FRMD4A: variants seen among roughly 807,000 people sequenced by gnomAD.
The protein encoded by FRMD4A is FERM domain-containing protein 4A.
A neutral mutation model predicts 129.1 loss-of-function variants in FRMD4A; 29 were observed. The ratio of observed to expected loss-of-function variants is 0.22; its 90% CI spans 0.17 to 0.31. FRMD4A has a LOEUF of 0.31. Ranked by LOEUF, FRMD4A falls within the 10% of genes least tolerant of loss-of-function variation. The pLI is 1.00. For missense variants in FRMD4A, 1,272 were observed against 1,375.8 expected, an observed-to-expected ratio of 0.92 and a Z score of 1.19; for synonymous variants, 634 against 571.6, an observed-to-expected ratio of 1.11 and a Z score of -1.56.
At chr10:13,826,702 G>A (rs1366224157) in intron 3 of FRMD4A, among the ~76,000 whole-genome samples, 2 of 152,080 alleles carry the variant, frequency 1.3e-5, no homozygotes, top group African/African-American at 4.8e-5. Flanking sequence ...TGATGATGTC[G>A]TTTTCGATAC....
rs980558123 is a variant in FRMD4A at position 14,099,867 on chromosome 10, T to C, written c.45+230191A>G. ...GCCTCAAACTCTTGGGCTCAAGTGATCTTCCAGTCTCAGCTTACCAAGTAG... is the reference window on the plus strand; with the variant it reads ...GCCTCAAACTCTTGGGCTCAAGTGACCTTCCAGTCTCAGCTTACCAAGTAG... On this transcript the variant is annotated intron_variant, in intron 2 of 24. Transcript: ENST00000357447. Among the ~76,000 whole-genome samples the C allele has an allele frequency of 2.0e-4, 31 of 152,348 alleles. 1 individual carries two copies. Among genetic ancestry groups the C allele is most frequent in the Admixed American group, 1.7e-3 (26 of 15,308 alleles).
chr10:14,196,607 A>G (rs1411815373), intron 2 of FRMD4A, among the ~76,000 whole-genome samples: 2 of 152,242 alleles, frequency 1.3e-5, no homozygotes, highest in Non-Finnish European at 2.9e-5. Context: ...ATTCCTAGAT[A>G]TGGATAAACA....
intron 2 of FRMD4A, among the ~76,000 whole-genome samples, chr10:13,965,069 T>TA (rs2095476904): frequency 6.6e-6 from 1 of 151,414 alleles, no homozygotes; most frequent in Admixed American, 6.6e-5. Flanking sequence ...CTGGGCATTT[T>TA]TTTTTTTTTT....
rs536137791 is a variant in FRMD4A, at chr10:14,041,313, G to A, written c.46-182401C>T. Among the ~76,000 whole-genome samples the A allele has an allele frequency of 1.8e-4, 28 of 152,244 alleles. No homozygotes were observed. In the East Asian group the frequency reaches 2.5e-3, roughly 14 times the overall value. On this transcript the variant is annotated intron_variant, in intron 2 of 24. Coordinates refer to ENST00000357447, the MANE Select transcript of FRMD4A (RefSeq NM_018027.5). Reference sequence around the variant, plus strand: ...TTCCTTATCTCTTTTTTCAAAAGGCGTTTCTCATGACATTCTTCAAAAAGC... The same window carrying A: ...TTCCTTATCTCTTTTTTCAAAAGGCATTTCTCATGACATTCTTCAAAAAGC...
chr10:13,924,428 C>T (rs1435484045), intron 2 of FRMD4A, among the ~76,000 whole-genome samples: 4 of 148,478 alleles, frequency 2.7e-5, no homozygotes, highest in Non-Finnish European at 4.4e-5. Context: ...TTTTCCCAGT[C>T]ATCAGAAAAG....
At chr10:14,009,650 C>G (rs953026201) in intron 2 of FRMD4A, among the ~76,000 whole-genome samples, 2 of 152,224 alleles carry the variant, frequency 1.3e-5, no homozygotes, top group Admixed American at 1.3e-4. Flanking sequence ...CAGCAGCGCA[C>G]GGGCTGGAAA....
chr10:13,981,476 T>C (rs2447017), intron 2 of FRMD4A, among the ~76,000 whole-genome samples: 76,369 of 151,746 alleles, frequency 0.5, 22,110 homozygotes, highest in East Asian at 0.9. Context: ...CACGGTGGCT[T>C]ACACCTGTAA....
At chr10:13,766,854 C>T (rs2092303812) in intron 6 of FRMD4A, among the ~76,000 whole-genome samples, 1 of 152,290 alleles carries the variant, frequency 6.6e-6, no homozygotes, top group Admixed American at 6.5e-5. Context: ...GAGGGCAGAT[C>T]ATGAGGTCAA....
At chr10:14,037,321 G>T (rs931214481) in intron 2 of FRMD4A, among the ~76,000 whole-genome samples, 4 of 152,112 alleles carry the variant, frequency 2.6e-5, no homozygotes, top group Non-Finnish European at 4.4e-5. Context: ...GGGCTCAAGC[G>T]ATTCTCCTGC....
At chr10:13,772,752 GA>G (rs1462599041) in intron 6 of FRMD4A, among the ~76,000 whole-genome samples, 2 of 152,148 alleles carry the variant, frequency 1.3e-5, no homozygotes, top group Non-Finnish European at 2.9e-5. Context: ...AGCTAAAAAT[GA>G]AAACCATTGA....
intron 2 of FRMD4A, among the ~76,000 whole-genome samples, chr10:14,113,898 G>T (rs1315272232): frequency 2.6e-5 from 4 of 151,988 alleles, no homozygotes; most frequent in Non-Finnish European, 5.9e-5. Context: ...GAATAATCTG[G>T]GAGTCACATC....
intron 8 of FRMD4A, among the ~76,000 whole-genome samples, chr10:13,756,649 G>A (rs2091876250): frequency 6.6e-6 from 1 of 152,172 alleles, no homozygotes; most frequent in Non-Finnish European, 1.5e-5. Context: ...AAAGACGTGA[G>A]CCACCATGCT....
chr10:14,127,982 CT>C (rs1838978797), intron 2 of FRMD4A, among the ~76,000 whole-genome samples: 7 of 81,260 alleles, frequency 8.6e-5, no homozygotes, highest in African/African-American at 5.2e-4. Context: ...TTCTTTCCTT[CT>C]CTCTCTCTCT....
rs145547717 is a variant in FRMD4A at position 14,137,881 on chromosome 10, T to C, written c.45+192177A>G. ...TTCTTTTACTTTCATGAGATGAGAT[T>C]ATGTAAGCCCCCAGTGCTTTTTCTC... On this transcript the variant is annotated intron_variant, in intron 2 of 24. Transcript: ENST00000357447. 3.6e-3 allele frequency among the ~76,000 whole-genome samples: 554 copies of C among 152,318 alleles called. 3 individuals carry two copies. Among genetic ancestry groups the C allele is most frequent in the Middle Eastern group, 0.014 (4 of 294 alleles).
At chr10:13,919,770 C>T (rs375452487) in intron 2 of FRMD4A, among the ~76,000 whole-genome samples, 12 of 151,872 alleles carry the variant, frequency 7.9e-5, no homozygotes, top group African/African-American at 2.2e-4. Flanking sequence ...AAACCCTGTC[C>T]TTACTAAAAA....
chr10:14,207,015 GA>G (rs1266901031), intron 2 of FRMD4A, among the ~76,000 whole-genome samples: 4 of 152,010 alleles, frequency 2.6e-5, no homozygotes, highest in African/African-American at 9.6e-5. Flanking sequence ...GCTGGCCTAC[GA>G]AGACTTCTGC....
At chr10:14,229,735 G>T (rs969876821) in intron 2 of FRMD4A, among the ~76,000 whole-genome samples, 21 of 152,068 alleles carry the variant, frequency 1.4e-4, no homozygotes, top group African/African-American at 5.1e-4. Flanking sequence ...TACTGAACCC[G>T]ACAACCCACA....
intron 2 of FRMD4A, among the ~76,000 whole-genome samples, chr10:14,023,877 G>A (rs975318892): frequency 1.3e-5 from 2 of 152,058 alleles, no homozygotes; most frequent in Non-Finnish European, 2.9e-5. Context: ...AAGTAGCAGG[G>A]ACCCACACAC....
intron 2 of FRMD4A, among the ~76,000 whole-genome samples, chr10:14,184,125 CTTTTTTTT>C (rs58858936): frequency 4.3e-4 from 28 of 64,636 alleles, no homozygotes; most frequent in Admixed American, 1.2e-3. Flanking sequence ...CTTTTCTTTT[CTTTTTTTT>C]TTTTTTTTTT....
Sources: allele counts gnomAD v4.1 joint callset (sites outside exome capture counted in the v4.1 genomes callset), GRCh38; gene constraint gnomAD v4.1.1; transcripts MANE v1.5; gene names NCBI Gene and HGNC (gene_info 2026-07-23, HGNC 2026-07-21).